The following BBS9 variants were observed in gnomAD, a reference collection of about 807,000 sequenced individuals.
BBS9 encodes protein PTHB1.
Under a neutral mutation model 117.7 loss-of-function variants are expected in BBS9, and 89 were observed. The observed-to-expected ratio is 0.76, with a 90% CI of 0.64 to 0.90. The LOEUF is 0.90. Among genes scored for constraint, BBS9 ranks in the 40% least tolerant of loss-of-function variants. BBS9 has a pLI of 0.00. For missense variants in BBS9, 982 were observed against 1,042.2 expected, an observed-to-expected ratio of 0.94 and a Z score of 0.80; for synonymous variants, 379 against 370.9, an observed-to-expected ratio of 1.02 and a Z score of -0.25.
At chr7:33,167,403 CTTTTT>C (rs1202170784) in intron 4 of BBS9, among the ~76,000 whole-genome samples, 2 of 134,216 alleles carry the variant, frequency 1.5e-5, no homozygotes, top group African/African-American at 2.7e-5. Context: ...TCTGAGAATT[CTTTTT>C]TTTTTTTTTT....
intron 21 of BBS9, among the ~76,000 whole-genome samples, chr7:33,585,300 G>T (rs140757592): frequency 0.021 from 3,142 of 152,172 alleles, 71 homozygotes; most frequent in South Asian, 0.11. Context: ...TGAGCAAGGG[G>T]TGTAGTAGGT....
chr7:33,594,436 T>TC (rs56739546), intron 21 of BBS9, among the ~76,000 whole-genome samples: 152,176 of 152,184 alleles, frequency 1, 76,084 homozygotes, highest in Middle Eastern at 1. Context: ...CAGCATTGTT[T>TC]TGCAAAAACA....
intron 11 of BBS9, among the ~76,000 whole-genome samples, chr7:33,343,800 A>G (rs1817008043): frequency 6.6e-6 from 1 of 152,042 alleles, no homozygotes; most frequent in Non-Finnish European, 1.5e-5. Context: ...CACATGGCCT[A>G]CTTTTATTTT....
intron 5 of BBS9, chr7:33,242,860 A>G (rs1397268617): frequency 2.2e-5 from 11 of 499,726 alleles, no homozygotes; most frequent in African/African-American, 1.4e-4. Flanking sequence ...AGGTACCTAC[A>G]CTATGCATAA....
intron 15 of BBS9, among the ~76,000 whole-genome samples, chr7:33,355,750 C>T (rs1819502504): frequency 6.6e-6 from 1 of 151,852 alleles, no homozygotes; most frequent in South Asian, 2.1e-4. Flanking sequence ...TTTATTAGTG[C>T]TTGCAATCCA....
At chr7:33,331,303 A>C (rs1043594232) in intron 9 of BBS9, among the ~76,000 whole-genome samples, 6 of 152,232 alleles carry the variant, frequency 3.9e-5, no homozygotes, top group Non-Finnish European at 7.3e-5. Flanking sequence ...ACAAACCCAC[A>C]GCCAGCATCA....
chr7:33,275,368 A>G (rs1189718620), intron 9 of BBS9, among the ~76,000 whole-genome samples: 1 of 152,236 alleles, frequency 6.6e-6, no homozygotes, highest in Non-Finnish European at 1.5e-5. Context: ...ATTTAACAGA[A>G]TATTCATACT....
chr7:33,169,947 C>G (rs1311943349), intron 4 of BBS9, among the ~76,000 whole-genome samples: 1 of 151,982 alleles, frequency 6.6e-6, no homozygotes, highest in East Asian at 1.9e-4. Context: ...GGTTTTAGGT[C>G]TAACGTTTAA....
Position 33,257,359 on chromosome 7 carries a change from G to C in BBS9, c.566G>C (p.Arg189Pro). 1 of 1,613,848 alleles carries C rather than the reference G, an allele frequency of 6.2e-7. No individual in the cohort carries two copies. Among genetic ancestry groups the C allele is most frequent in the Non-Finnish European group, 8.5e-7 (1 of 1,179,894 alleles). ...CCTGGTCCTCTTGCCTACAGTTCCCGTACAGATTCCTTCCTTACTGTCTCT... is the reference window on the plus strand; with the variant it reads ...CCTGGTCCTCTTGCCTACAGTTCCCCTACAGATTCCTTCCTTACTGTCTCT... ...LLPGPLAYSS[R>P]TDSFLTVSSC... is the part of the protein sequence containing the mutation. Residue 189 changes from arginine to proline, a missense_variant, in exon 6 of 23, where the codon CGT (arginine) becomes CCT (proline). Transcript: ENST00000242067.
intron 18 of BBS9, among the ~76,000 whole-genome samples, chr7:33,384,719 A>T (rs866880839): frequency 1.5e-4 from 22 of 142,846 alleles, no homozygotes; most frequent in Non-Finnish European, 3.0e-4. Flanking sequence ...TGTGTGTGAG[A>T]GAGAGAGAGA....
At position 33,299,802 on chromosome 7, in the gene BBS9, G is replaced by A. The variant is rs1301849976; in HGVS notation, c.1016+25846G>A. 5.3e-5 allele frequency among the ~76,000 whole-genome samples: 8 copies of A among 152,042 alleles called. 1 individual carries two copies. The East Asian group carries it at 1.3e-3, about 26-fold the overall frequency. ...TTATTTTACAGATGAGATAAGAGAC[G>A]CTTAGAAACGTTAGCAAACTCTTAC... On this transcript the variant is annotated intron_variant, in intron 9 of 22. Transcript: ENST00000242067.
At chr7:33,465,397 A>C (rs1840019872) in intron 19 of BBS9, among the ~76,000 whole-genome samples, 1 of 152,064 alleles carries the variant, frequency 6.6e-6, no homozygotes, top group Non-Finnish European at 1.5e-5. Flanking sequence ...GCACACCTGC[A>C]GAGGAATGCC....
intron 9 of BBS9, among the ~76,000 whole-genome samples, chr7:33,293,471 G>A (rs961501512): frequency 1.3e-5 from 2 of 151,954 alleles, no homozygotes; most frequent in South Asian, 2.1e-4. Flanking sequence ...TACCTAGGAG[G>A]CCCTGAACAC....
intron 19 of BBS9, 54 bp from the exon 20 acceptor site, chr7:33,505,409 T>C: frequency 6.4e-7 from 1 of 1,572,674 alleles, no homozygotes; most frequent in Admixed American, 1.7e-5. Flanking sequence ...CATAATTTGT[T>C]GAGGGCTCAA....
chr7:33,518,245 CTT>C (rs747829401), intron 20 of BBS9, among the ~76,000 whole-genome samples: 3,875 of 93,340 alleles, frequency 0.042, 13 homozygotes, highest in African/African-American at 0.071. Flanking sequence ...TGTATATATT[CTT>C]TTTTTTTTTT....
At chr7:33,587,467 GA>G (rs1861104816) in intron 21 of BBS9, among the ~76,000 whole-genome samples, 1 of 152,072 alleles carries the variant, frequency 6.6e-6, no homozygotes, top group Non-Finnish European at 1.5e-5. Flanking sequence ...TAGCTTAATT[GA>G]AGGCAGACAG....
intron 21 of BBS9, among the ~76,000 whole-genome samples, chr7:33,565,843 C>T (rs59206629): frequency 1.5e-4 from 5 of 34,036 alleles, no homozygotes; most frequent in Non-Finnish European, 3.0e-4. Flanking sequence ...ATATATACTG[C>T]TTATATATAT....
rs370589876 is a variant in BBS9, at chr7:33,395,549, A to G, written c.2115+7405A>G. On this transcript the variant is annotated intron_variant, in intron 19 of 22. Transcript: ENST00000242067. ...CTGATCTAAAAGTTGGTGTCAGATG[A>G]CATATGTGTGATGTAATGACTAGTA... Among the ~76,000 whole-genome samples the G allele has an allele frequency of 3.3e-5, 5 of 152,250 alleles. No homozygotes were observed. The East Asian group carries it at 7.7e-4, about 24-fold the overall frequency.
chr7:33,410,664 A>C (rs967072373), intron 19 of BBS9, among the ~76,000 whole-genome samples: 5 of 152,142 alleles, frequency 3.3e-5, no homozygotes, highest in African/African-American at 1.2e-4. Flanking sequence ...ATTTCTCTTT[A>C]AGATCAACCC....
Sources: allele counts gnomAD v4.1 joint callset (sites outside exome capture counted in the v4.1 genomes callset), GRCh38; gene constraint gnomAD v4.1.1; transcripts MANE v1.5; gene names NCBI Gene and HGNC (gene_info 2026-07-23, HGNC 2026-07-21).